ZFHX3: variants seen among roughly 807,000 people sequenced by gnomAD.
ZFHX3 encodes zinc finger homeobox 3.
Under a neutral mutation model 279.1 loss-of-function variants are expected in ZFHX3, and 42 were observed. The observed-to-expected ratio is 0.15, with a 90% CI of 0.12 to 0.19. The LOEUF (loss-of-function observed/expected upper bound fraction) is 0.19, where lower values mean the gene tolerates loss of function less well. Among genes scored for constraint, ZFHX3 ranks in the 10% least tolerant of loss-of-function variants. The pLI is 1.00. For missense variants in ZFHX3, 4,981 were observed against 4,754.0 expected (o/e 1.05, Z -1.40); for synonymous variants, 2,293 against 1,957.8 (o/e 1.17, Z -4.52).
intron 2 of ZFHX3, among the ~76,000 whole-genome samples, chr16:72,955,439 A>G (rs1961206211): frequency 6.6e-6 from 1 of 152,214 alleles, no homozygotes; most frequent in African/African-American, 2.4e-5. Flanking sequence ...ATATTTCTCT[A>G]CTTCTCAATA....
chr16:73,656,605 T>G (rs1231850756), intron 2 of ZFHX3, among the ~76,000 whole-genome samples: 1 of 152,100 alleles, frequency 6.6e-6, no homozygotes, highest in East Asian at 1.9e-4. Flanking sequence ...TGTGTGGGGG[T>G]GTGTGCCTGT....
At chr16:73,237,528 CTTTTTTTTTT>C (rs886922274) in intron 5 of ZFHX3, among the ~76,000 whole-genome samples, 5 of 84,144 alleles carry the variant, frequency 5.9e-5, no homozygotes, top group Admixed American at 4.4e-4. Flanking sequence ...CAAATGCAGC[CTTTTTTTTTT>C]TTTTTTTTTT....
Position 72,870,438 on chromosome 16 carries a change from G to A in ZFHX3, c.3448+19293C>T, listed in dbSNP as rs561449237. On this transcript the variant is annotated intron_variant, in intron 4 of 9. Coordinates refer to ENST00000268489, the MANE Select transcript of ZFHX3 (RefSeq NM_006885.4). ...AAAAGAAAAAAAAACGGCTGGGCAC[G>A]GTGGCTCACGCCTGTAATCCCAGCA... is the stretch of plus-strand genomic sequence containing the variant. Among the ~76,000 whole-genome samples the A allele has an allele frequency of 9.2e-4, 139 of 151,154 alleles. 2 individuals carry two copies. In the South Asian group the frequency reaches 0.027, roughly 29 times the overall value.
intron 5 of ZFHX3, among the ~76,000 whole-genome samples, chr16:73,153,948 C>T (rs1967011489): frequency 6.6e-6 from 1 of 152,068 alleles, no homozygotes; most frequent in Admixed American, 6.5e-5. Flanking sequence ...TCATGATCCG[C>T]CCGCCCCAGC....
chr16:73,653,307 G>A (rs765229316), intron 2 of ZFHX3, among the ~76,000 whole-genome samples: 1 of 152,100 alleles, frequency 6.6e-6, no homozygotes, highest in Non-Finnish European at 1.5e-5. Flanking sequence ...AGTACACACA[G>A]AACACTTACA....
At chr16:72,882,165 C>G (rs1007754656) in intron 4 of ZFHX3, among the ~76,000 whole-genome samples, 1 of 120,506 alleles carries the variant, frequency 8.3e-6, no homozygotes, top group African/African-American at 3.3e-5. Flanking sequence ...GCAGGTACCC[C>G]TTTTTCCTTT....
intron 2 of ZFHX3, among the ~76,000 whole-genome samples, chr16:73,461,843 T>G (rs2018477142): frequency 6.6e-6 from 1 of 152,242 alleles, no homozygotes; most frequent in South Asian, 2.1e-4. Context: ...AAAGCTGTTT[T>G]AGCTATTCTT....
At position 72,798,202 on chromosome 16, in the gene ZFHX3, C is replaced by G; in HGVS notation, c.4480G>C (p.Glu1494Gln). 6.2e-7 allele frequency: 1 copy of G among 1,614,206 alleles called. No homozygotes were observed. The highest frequency in any genetic ancestry group is 1.1e-5 in the South Asian group (1 of 91,076). The stretch of plus-strand genomic sequence containing the variant: ...TTATCTTCCAAGTCACTCTCTTCCT[C>G]CTTGTCTTCCTCAACAATTATGGTA... Reference protein sequence around the residue: ...DHTIIVEEDKEEESDLEDKQS... With the variant: ...DHTIIVEEDKQEESDLEDKQS... Residue 1494 changes from glutamate (E) to glutamine (Q), a missense_variant, in exon 9 of 10, where the codon GAG becomes CAG. This residue lies in a region of ZFHX3 where 1,751 missense variants were observed against 1,770.0 expected (regional missense o/e 0.99). Transcript: ENST00000268489.
At chr16:73,666,053 C>T (rs1195779454) in intron 2 of ZFHX3, among the ~76,000 whole-genome samples, 3 of 151,272 alleles carry the variant, frequency 2.0e-5, no homozygotes, top group South Asian at 2.1e-4. Context: ...CCTGACCTTG[C>T]GATCCACCCA....
chr16:73,682,897 AG>A (rs1567550538), intron 1 of ZFHX3, among the ~76,000 whole-genome samples: 1 of 20,280 alleles, frequency 4.9e-5, no homozygotes. Flanking sequence ...AAAGAAAGAA[AG>A]AAAGAAAGAG....
intron 1 of ZFHX3, among the ~76,000 whole-genome samples, chr16:73,812,219 A>T (rs1488619973): frequency 6.6e-6 from 1 of 152,182 alleles, no homozygotes; most frequent in East Asian, 1.9e-4. Context: ...GGATGCAAGC[A>T]TGGGCTGGGC....
At chr16:73,704,106 C>T (rs151311176) in intron 1 of ZFHX3, among the ~76,000 whole-genome samples, 4 of 152,234 alleles carry the variant, frequency 2.6e-5, no homozygotes, top group African/African-American at 9.6e-5. Flanking sequence ...AGATTGGGCA[C>T]GTTCAGGGTG....
chr16:72,938,506 G>A (rs559302607), intron 3 of ZFHX3, among the ~76,000 whole-genome samples: 6 of 152,356 alleles, frequency 3.9e-5, no homozygotes, highest in East Asian at 1.9e-4. Context: ...ATGTGTTTGC[G>A]GGAGGCAGCG....
chr16:73,769,728 T>C (rs1258791592), intron 1 of ZFHX3, among the ~76,000 whole-genome samples: 6 of 152,214 alleles, frequency 3.9e-5, no homozygotes, highest in Non-Finnish European at 8.8e-5. Flanking sequence ...TGCCGGAGAT[T>C]TGTTGACATA....
At chr16:73,218,683 TG>T (rs1218907455) in intron 5 of ZFHX3, among the ~76,000 whole-genome samples, 2 of 152,122 alleles carry the variant, frequency 1.3e-5, no homozygotes, top group Non-Finnish European at 2.9e-5. Flanking sequence ...GCAGTAGAAT[TG>T]CTTGAACCCG....
chr16:73,580,376 G>T (rs2051847428), intron 2 of ZFHX3, among the ~76,000 whole-genome samples: 4 of 151,932 alleles, frequency 2.6e-5, no homozygotes, highest in Admixed American at 2.6e-4. Context: ...TGCTCGGGAG[G>T]CTGAGGCAGG....
At chr16:73,542,107 G>C (rs2020026590) in intron 2 of ZFHX3, among the ~76,000 whole-genome samples, 1 of 152,038 alleles carries the variant, frequency 6.6e-6, no homozygotes, top group Non-Finnish European at 1.5e-5. Context: ...GCCCTGTTTG[G>C]TGGTTCTTTT....
intron 2 of ZFHX3, among the ~76,000 whole-genome samples, chr16:73,638,642 C>T (rs1021316966): frequency 6.6e-6 from 1 of 152,178 alleles, no homozygotes; most frequent in Non-Finnish European, 1.5e-5. Context: ...TCTATTATAG[C>T]ACCTGTTACA....
chr16:73,704,810 A>T (rs1236255943), intron 1 of ZFHX3, among the ~76,000 whole-genome samples: 1 of 152,242 alleles, frequency 6.6e-6, no homozygotes, highest in Non-Finnish European at 1.5e-5. Context: ...CACTCCTGCT[A>T]GGGAGCTCTG....
Sources: allele counts gnomAD v4.1 joint callset (sites outside exome capture counted in the v4.1 genomes callset), GRCh38; gene constraint gnomAD v4.1.1; regional missense constraint gnomAD v4.1.1; transcripts MANE v1.5; gene names NCBI Gene and HGNC (gene_info 2026-07-23, HGNC 2026-07-21).